Variants in PRKG1 observed in about 807,000 individuals in gnomAD.
PRKG1 encodes cGMP-dependent protein kinase 1.
PRKG1 carries 35 observed loss-of-function variants against 88.1 expected under a neutral mutation model. The observed-to-expected ratio is 0.40, with a 90% confidence interval of 0.30 to 0.53. The LOEUF (loss-of-function observed/expected upper bound fraction) is 0.53, where lower values mean the gene tolerates loss of function less well. PRKG1 is among the 20% of genes least tolerant of loss of function. The probability of loss-of-function intolerance (pLI) is 0.59; values close to 1 mark genes in which losing one functional copy is unlikely to be tolerated. For synonymous variants in PRKG1, 303 were observed against 292.5 expected (o/e 1.04, Z -0.37); for missense variants, 540 against 839.8 (o/e 0.64, Z 4.41).
At chr10:51,229,737 T>C (rs1370585602) in intron 2 of PRKG1, among the ~76,000 whole-genome samples, 1 of 151,912 alleles carries the variant, frequency 6.6e-6, no homozygotes, top group Non-Finnish European at 1.5e-5. Context: ...AAGTCTGACC[T>C]GGGAAACGTG....
At chr10:52,162,568 C>T (rs985364358) in intron 9 of PRKG1, among the ~76,000 whole-genome samples, 7 of 152,088 alleles carry the variant, frequency 4.6e-5, no homozygotes, top group African/African-American at 1.7e-4. Flanking sequence ...ATCCTCCCCT[C>T]TTTCCCCTAA....
intron 2 of PRKG1, among the ~76,000 whole-genome samples, chr10:51,240,710 A>G (rs112175811): frequency 2.0e-5 from 3 of 152,182 alleles, no homozygotes; most frequent in African/African-American, 7.2e-5. Flanking sequence ...CTTGAACACC[A>G]AGAGGGGCCT....
At chr10:51,995,621 C>T (rs1042968341) in intron 5 of PRKG1, among the ~76,000 whole-genome samples, 3 of 151,908 alleles carry the variant, frequency 2.0e-5, no homozygotes, top group Non-Finnish European at 4.4e-5. Context: ...GAACACATTA[C>T]CTACATAAAG....
At chr10:51,130,042 A>C (rs1845525918) in intron 1 of PRKG1, among the ~76,000 whole-genome samples, 1 of 152,096 alleles carries the variant, frequency 6.6e-6, no homozygotes, top group African/African-American at 2.4e-5. Flanking sequence ...CTTTATACTA[A>C]TAGTTTTGCA....
intron 9 of PRKG1, among the ~76,000 whole-genome samples, chr10:52,202,239 G>T (rs188953348): frequency 1.3e-5 from 2 of 152,026 alleles, no homozygotes; most frequent in African/African-American, 4.8e-5. Context: ...GTTTGTCAAG[G>T]GTTTTTAACA....
chr10:52,113,543 G>A (rs914118221), intron 7 of PRKG1, among the ~76,000 whole-genome samples: 1 of 152,064 alleles, frequency 6.6e-6, no homozygotes, highest in Non-Finnish European at 1.5e-5. Context: ...TACAATCTTG[G>A]GGTAGATTGA....
chr10:51,760,307 G>A (rs535487135), intron 3 of PRKG1, among the ~76,000 whole-genome samples: 2 of 152,118 alleles, frequency 1.3e-5, no homozygotes, highest in South Asian at 2.1e-4. Flanking sequence ...TAAATAACCC[G>A]GAGAAGTGAA....
chr10:52,167,066 G>A (rs1014857675), intron 9 of PRKG1, among the ~76,000 whole-genome samples: 16 of 151,954 alleles, frequency 1.1e-4, no homozygotes, highest in Non-Finnish European at 2.2e-4. Flanking sequence ...GTGTTAGTCT[G>A]TTTTGCATTG....
At chr10:51,158,715 C>G (rs1029442722) in intron 2 of PRKG1, among the ~76,000 whole-genome samples, 1 of 151,928 alleles carries the variant, frequency 6.6e-6, no homozygotes, top group African/African-American at 2.4e-5. Flanking sequence ...CCTCTGTGTC[C>G]TTATGGTTTA....
chr10:52,056,295 A>G (rs1846108678), intron 6 of PRKG1, among the ~76,000 whole-genome samples: 1 of 152,196 alleles, frequency 6.6e-6, no homozygotes, highest in African/African-American at 2.4e-5. Context: ...AATTATTTGA[A>G]AAGTTGCATA....
intron 3 of PRKG1, among the ~76,000 whole-genome samples, chr10:51,735,367 A>G (rs1002889015): frequency 6.6e-6 from 1 of 152,180 alleles, no homozygotes; most frequent in South Asian, 2.1e-4. Context: ...ATTTATTAAC[A>G]AGGAGTAAAT....
At chr10:51,491,224 G>A (rs1218395310) in intron 3 of PRKG1, among the ~76,000 whole-genome samples, 1 of 151,976 alleles carries the variant, frequency 6.6e-6, no homozygotes, top group African/African-American at 2.4e-5. Flanking sequence ...CATAGATGTT[G>A]TATTAGTAGA....
chr10:51,918,746 C>T (rs1355317482), intron 5 of PRKG1, among the ~76,000 whole-genome samples: 1 of 152,174 alleles, frequency 6.6e-6, no homozygotes, highest in Non-Finnish European at 1.5e-5. Flanking sequence ...CATTTGATAG[C>T]ATCTGAGCAG....
At chr10:52,073,669 A>C (rs1846559688) in intron 7 of PRKG1, among the ~76,000 whole-genome samples, 1 of 152,178 alleles carries the variant, frequency 6.6e-6, no homozygotes, top group South Asian at 2.1e-4. Flanking sequence ...CAGGACCCAA[A>C]TACATAGGCA....
chr10:52,061,093 G>A (rs1203014871), intron 6 of PRKG1, among the ~76,000 whole-genome samples: 1 of 151,926 alleles, frequency 6.6e-6, no homozygotes, highest in East Asian at 1.9e-4. Context: ...ATCTATAAAA[G>A]CCTCTTCAGC....
chr10:51,506,473 C>T (rs1234103771), intron 3 of PRKG1, among the ~76,000 whole-genome samples: 1 of 152,102 alleles, frequency 6.6e-6, no homozygotes, highest in African/African-American at 2.4e-5. Flanking sequence ...AAAACAACCC[C>T]ATCAACAAGT....
At chr10:51,511,998 A>G (rs1428554344) in intron 3 of PRKG1, among the ~76,000 whole-genome samples, 1 of 152,142 alleles carries the variant, frequency 6.6e-6, no homozygotes, top group African/African-American at 2.4e-5. Flanking sequence ...TAAAAAATAG[A>G]TATTGAGCAA....
In PRKG1 at chr10:51,969,532, CAA is replaced by C. The variant is rs371962498; in HGVS notation, c.762+61964_762+61965del. Among the ~76,000 whole-genome samples the C allele has an allele frequency of 5.3e-5, 8 of 151,972 alleles. No homozygotes were observed. In the East Asian group the frequency reaches 1.4e-3, roughly 26 times the overall value. On this transcript the variant is annotated intron_variant, in intron 5 of 17. Transcript: ENST00000373980. The stretch of plus-strand genomic sequence containing the variant: ...ACTTTATTTTCCTTTAAAATTTATG[CAA>C]AGTCATATGAAAGAACTTTTACAAA...
chr10:51,310,213 C>CA (rs745928378), intron 2 of PRKG1, among the ~76,000 whole-genome samples: 4 of 152,142 alleles, frequency 2.6e-5, no homozygotes, highest in Non-Finnish European at 4.4e-5. Flanking sequence ...ATCTATATAA[C>CA]AAAATTATAC....
Sources: gnomAD v4.1 joint callset for allele counts (sites outside exome capture counted in the v4.1 genomes callset) on GRCh38, gnomAD v4.1.1 for gene constraint, MANE v1.5 for transcripts, NCBI Gene and HGNC (gene_info 2026-07-23, HGNC 2026-07-21) for gene names.